ATXN7L1: variants seen among roughly 807,000 people sequenced by gnomAD.
ATXN7L1 encodes ataxin-7-like protein 1.
ATXN7L1 carries 15 observed loss-of-function variants against 70.8 expected under a neutral mutation model. The ratio of observed to expected loss-of-function variants is 0.21; its 90% CI spans 0.14 to 0.33. The LOEUF is 0.33. Ranked by LOEUF, ATXN7L1 falls within the 10% of genes least tolerant of loss-of-function variation. The pLI is 1.00. For synonymous variants in ATXN7L1, 440 were observed against 445.1 expected (o/e 0.99, Z 0.14); for missense variants, 975 against 1,097.1 (o/e 0.89, Z 1.57).
At position 105,815,002 on chromosome 7, in the gene ATXN7L1, G is replaced by T. The variant is rs79850381; in HGVS notation, c.251-26294C>A. Among the ~76,000 whole-genome samples, 1,666 of 152,256 alleles carry T rather than the reference G, an allele frequency of 0.011. 70 individuals are homozygous for T. In the East Asian group the frequency reaches 0.13, roughly 12 times the overall value. On this transcript the variant is annotated intron_variant, in intron 2 of 11. Transcript: ENST00000419735. Reference sequence around the variant, plus strand: ...GGAACTGCTGCTAAGACAGGATGGGGGGCAGTGGATGGGACTAGTCCTTTC... The same window carrying T: ...GGAACTGCTGCTAAGACAGGATGGGTGGCAGTGGATGGGACTAGTCCTTTC...
At chr7:105,869,502 C>G (rs1220272091) in intron 2 of ATXN7L1, among the ~76,000 whole-genome samples, 1 of 152,162 alleles carries the variant, frequency 6.6e-6, no homozygotes, top group Non-Finnish European at 1.5e-5. Context: ...CAGTTGCCAC[C>G]TTCTCCAATT....
intron 10 of ATXN7L1, 96 bp downstream of exon 10, chr7:105,613,766 T>C: frequency 6.5e-7 from 1 of 1,541,472 alleles, no homozygotes; most frequent in African/African-American, 1.4e-5. Context: ...GAATCAAGCT[T>C]GTGTTACCTG....
chr7:105,780,084 A>G (rs781603470), intron 3 of ATXN7L1, among the ~76,000 whole-genome samples: 16 of 152,228 alleles, frequency 1.1e-4, no homozygotes, highest in Non-Finnish European at 1.3e-4. Flanking sequence ...GGGCACTGAC[A>G]TCAGGAGGGA....
At chr7:105,769,309 T>C (rs1487843431) in intron 3 of ATXN7L1, among the ~76,000 whole-genome samples, 1 of 152,176 alleles carries the variant, frequency 6.6e-6, no homozygotes, top group African/African-American at 2.4e-5. Context: ...AAGTGGCTTC[T>C]GGAAGCGTGA....
intron 3 of ATXN7L1, among the ~76,000 whole-genome samples, chr7:105,776,497 C>T (rs1802746359): frequency 6.6e-6 from 1 of 151,704 alleles, no homozygotes. Context: ...CAAACAACCC[C>T]CCCCCCAAAA....
intron 4 of ATXN7L1, among the ~76,000 whole-genome samples, chr7:105,652,049 C>T (rs919316522): frequency 1.3e-5 from 2 of 152,064 alleles, no homozygotes; most frequent in African/African-American, 4.8e-5. Flanking sequence ...ATAAGGAGTG[C>T]TAAGTGTCCT....
At position 105,610,407 on chromosome 7, in the gene ATXN7L1, G is replaced by C. The variant is rs563612428; in HGVS notation, c.2547+122C>G. ...CTAGAAGGCCTAGGTTTGGAAGCCA[G>C]GTAGCCATGCTCTTAACTGGAGATG... On this transcript the variant is annotated intron_variant, in intron 11 of 11. Transcript: ENST00000419735. 10 of 889,476 alleles carry C rather than the reference G, an allele frequency of 1.1e-5. No homozygotes were observed. In the East Asian group the frequency reaches 2.4e-4, roughly 21 times the overall value. 55.1% of individuals were successfully genotyped at this position (889,476 alleles called of 1,614,324 possible). A position where few individuals can be genotyped will look rare whatever the true frequency, so the allele number is the denominator to read the frequency against.
At chr7:105,685,204 G>A (rs1385666574) in intron 3 of ATXN7L1, among the ~76,000 whole-genome samples, 1 of 152,106 alleles carries the variant, frequency 6.6e-6, no homozygotes, top group Non-Finnish European at 1.5e-5. Context: ...CCAAATCCCG[G>A]CTCTCCTTCC....
chr7:105,757,337 T>C (rs996414562), intron 3 of ATXN7L1, among the ~76,000 whole-genome samples: 20 of 152,190 alleles, frequency 1.3e-4, no homozygotes, highest in African/African-American at 4.6e-4. Context: ...GACTGATATC[T>C]TCCTTGGGCT....
rs952245998 is a variant in ATXN7L1, at chr7:105,788,727, C to T, written c.251-19G>A. 8 of 1,578,814 alleles carry T rather than the reference C, an allele frequency of 5.1e-6. No homozygotes were observed. Among genetic ancestry groups the T allele is most frequent in the African/African-American group, 1.3e-5 (1 of 74,082 alleles). ...TGCATATCTGTGGGGGAAATGAAAA[C>T]AAGTGTGTTTTGAAAAAGCAATTAA... On this transcript the variant is annotated intron_variant, in intron 2 of 11. Transcript: ENST00000419735.
intron 4 of ATXN7L1, among the ~76,000 whole-genome samples, chr7:105,651,248 G>T (rs1799787181): frequency 6.6e-6 from 1 of 152,216 alleles, no homozygotes; most frequent in Non-Finnish European, 1.5e-5. Context: ...CCATGCCTCA[G>T]TTTCCTTATC....
intron 6 of ATXN7L1, among the ~76,000 whole-genome samples, chr7:105,639,024 C>T (rs970097447): frequency 6.6e-6 from 1 of 152,122 alleles, no homozygotes; most frequent in African/African-American, 2.4e-5. Context: ...GCATGAAATA[C>T]AGGGCTTTGG....
chr7:105,873,641 G>T (rs1471459920), intron 2 of ATXN7L1, among the ~76,000 whole-genome samples: 1 of 152,210 alleles, frequency 6.6e-6, no homozygotes, highest in Non-Finnish European at 1.5e-5. Context: ...TGAACAAAGA[G>T]ATTTCAGCCC....
chr7:105,730,096 G>T, intron 3 of ATXN7L1, among the ~76,000 whole-genome samples: 1 of 152,094 alleles, frequency 6.6e-6, no homozygotes, highest in East Asian at 1.9e-4. Flanking sequence ...AGTACAGCAT[G>T]GAAAAAGCAG....
intron 3 of ATXN7L1, among the ~76,000 whole-genome samples, chr7:105,771,691 A>G (rs188336886): frequency 6.6e-6 from 1 of 152,356 alleles, no homozygotes; most frequent in African/African-American, 2.4e-5. Flanking sequence ...TATTGTAATT[A>G]CCAGTTGACT....
At chr7:105,740,273 C>T (rs1473203519) in intron 3 of ATXN7L1, among the ~76,000 whole-genome samples, 8 of 152,148 alleles carry the variant, frequency 5.3e-5, no homozygotes. Context: ...CTGATCACAA[C>T]ATGTGAAACT....
rs755288215 is a variant in ATXN7L1, at chr7:105,876,598, G to C, written c.-40C>G. 1.3e-6 allele frequency: 2 copies of C among 1,500,098 alleles called. No individual in the cohort carries two copies. Among genetic ancestry groups the C allele is most frequent in the Non-Finnish European group, 1.8e-6 (2 of 1,094,084 alleles). The allele number at this position is 1,500,098 out of a possible 1,614,324, so 92.9% of individuals were successfully genotyped here. Reference sequence around the variant, plus strand: ...GACATTGAGTGTTCTGAAAGGGGGAGGGAGGGAGGAAGGGCGGGATGGGAG... The same window carrying C: ...GACATTGAGTGTTCTGAAAGGGGGACGGAGGGAGGAAGGGCGGGATGGGAG... On this transcript the variant is annotated 5_prime_UTR_variant, in exon 1 of 12. Transcript: ENST00000419735.
intron 5 of ATXN7L1, 145 bp downstream of exon 5, chr7:105,642,693 G>T: frequency 9.7e-7 from 1 of 1,028,254 alleles, no homozygotes; most frequent in Non-Finnish European, 1.4e-6. Flanking sequence ...ATTTTTAGGT[G>T]GGGTTCCTGT....
At chr7:105,639,089 G>A (rs1232103965) in intron 6 of ATXN7L1, among the ~76,000 whole-genome samples, 1 of 152,150 alleles carries the variant, frequency 6.6e-6, no homozygotes, top group African/African-American at 2.4e-5. Context: ...CCCCGGTGTG[G>A]CTGGATCAGG....
Sources: allele counts gnomAD v4.1 joint callset (sites outside exome capture counted in the v4.1 genomes callset), GRCh38; gene constraint gnomAD v4.1.1; transcripts MANE v1.5; gene names NCBI Gene and HGNC (gene_info 2026-07-23, HGNC 2026-07-21).